ROBO2: variants seen among roughly 807,000 people sequenced by gnomAD.
The protein encoded by ROBO2 is roundabout guidance receptor 2, also known as roundabout homolog 2.
ROBO2 carries 53 observed loss-of-function variants against 160.8 expected under a neutral mutation model. That is an observed-to-expected ratio of 0.33 (90% CI 0.26 to 0.41). ROBO2 has a LOEUF of 0.41. Ranked by LOEUF, ROBO2 falls within the 10% of genes least tolerant of loss-of-function variation. The pLI is 1.00. For missense variants in ROBO2, 1,577 were observed against 1,722.4 expected (o/e 0.92, Z 1.49); for synonymous variants, 664 against 611.7 (o/e 1.09, Z -1.26).
At chr3:76,822,896 A>G (rs923535416) in intron 2 of ROBO2, among the ~76,000 whole-genome samples, 1 of 151,942 alleles carries the variant, frequency 6.6e-6, no homozygotes, top group African/African-American at 2.4e-5. Context: ...CCAAAGTGCA[A>G]CGGTATCATT....
intron 2 of ROBO2, among the ~76,000 whole-genome samples, chr3:76,329,656 G>C (rs997857952): frequency 6.6e-6 from 1 of 152,220 alleles, no homozygotes; most frequent in Non-Finnish European, 1.5e-5. Flanking sequence ...GGATACTTCT[G>C]CTTTGCGTTT....
At chr3:77,623,458 A>G (rs537058445) in intron 23 of ROBO2, among the ~76,000 whole-genome samples, 1 of 152,240 alleles carries the variant, frequency 6.6e-6, no homozygotes, top group Non-Finnish European at 1.5e-5. Flanking sequence ...ACTGATGGGA[A>G]CTGGTTTATG....
At chr3:76,803,384 A>C (rs2064380377) in intron 2 of ROBO2, among the ~76,000 whole-genome samples, 1 of 148,478 alleles carries the variant, frequency 6.7e-6, no homozygotes, top group Non-Finnish European at 1.5e-5. Flanking sequence ...AGGAGGATAC[A>C]GAAAAGGAGG....
upstream of ROBO2, among the ~76,000 whole-genome samples, chr3:77,039,181 GC>G: frequency 6.6e-6 from 1 of 152,308 alleles, no homozygotes; most frequent in East Asian, 1.9e-4. Context: ...AGAGAATTCT[GC>G]CCCCTCCTTT....
Position 76,613,520 on chromosome 3 carries a change from A to G in ROBO2, c.110-484494A>G, listed in dbSNP as rs564907341. ...CACACTCCTCCTCCTTTAGTTATGT[A>G]CATTATCAATATTCATTTAATTGTA... On this transcript the variant is annotated intron_variant, in intron 2 of 26. Transcript: ENST00000487694. 1.5e-3 allele frequency among the ~76,000 whole-genome samples: 229 copies of G among 152,118 alleles called. 2 individuals are homozygous for G. Among genetic ancestry groups the G allele is most frequent in the Non-Finnish European group, 2.5e-3 (167 of 67,966 alleles).
Position 76,997,767 on chromosome 3 carries a change from C to T in ROBO2, c.110-100247C>T, listed in dbSNP as rs148013758. On this transcript the variant is annotated intron_variant, in intron 2 of 26. Transcript: ENST00000487694. ...CATAAGTATTGACAACAAAACAAAA[C>T]GATTTTATTTTGCTTACGAAGCTGT... Among the ~76,000 whole-genome samples, 237 of 152,186 alleles carry T rather than the reference C, an allele frequency of 1.6e-3. 2 individuals are homozygous for T. The highest frequency in any genetic ancestry group is 0.01 in the Middle Eastern group (3 of 294).
rs1182792322 is a variant in ROBO2 at position 77,515,755 on chromosome 3, T to C, written c.807-7020T>C. On this transcript the variant is annotated intron_variant, in intron 5 of 25. Coordinates refer to ENST00000461745, the Ensembl canonical transcript of ROBO2. ...AAAAGCTGGGTAAAAATCTTTGTAATATAGTTGATGAAAATTGCGCCAGAA... is the reference window on the plus strand; with the variant it reads ...AAAAGCTGGGTAAAAATCTTTGTAACATAGTTGATGAAAATTGCGCCAGAA... Among the ~76,000 whole-genome samples, 3 of 151,672 alleles carry C rather than the reference T, an allele frequency of 2.0e-5. No individual in the cohort carries two copies. The Admixed American group carries it at 2.0e-4, about 10-fold the overall frequency.
chr3:77,591,210 A>C (rs1431497209), intron 17 of ROBO2, among the ~76,000 whole-genome samples: 1 of 152,116 alleles, frequency 6.6e-6, no homozygotes, highest in Non-Finnish European at 1.5e-5. Flanking sequence ...TTATACTCTG[A>C]TTATCTGGGC....
At chr3:77,423,308 G>T (rs929417785) in intron 2 of ROBO2, among the ~76,000 whole-genome samples, 1 of 152,060 alleles carries the variant, frequency 6.6e-6, no homozygotes, top group Admixed American at 6.6e-5. Context: ...GTTCAATTCA[G>T]TGACATTATT....
chr3:76,274,560 C>T lies in ROBO2; in HGVS notation c.109+336958C>T, dbSNP rs529726052. ...CTAGTTTCAAGAAATATAGCAGGGC[C>T]GGGCACGGTGGATCACACCTGTAAT... On this transcript the variant is annotated intron_variant, in intron 2 of 26. Transcript: ENST00000487694. Among the ~76,000 whole-genome samples, 130 of 152,044 alleles carry T rather than the reference C, an allele frequency of 8.6e-4. 1 individual carries two copies. Among genetic ancestry groups the T allele is most frequent in the Non-Finnish European group, 6.9e-4 (47 of 67,988 alleles).
chr3:76,257,915 C>T (rs758820218), intron 2 of ROBO2, among the ~76,000 whole-genome samples: 1 of 152,100 alleles, frequency 6.6e-6, no homozygotes, highest in Non-Finnish European at 1.5e-5. Flanking sequence ...TAAATTTATG[C>T]CTGTGCCATT....
At chr3:76,745,295 C>T (rs1453401764) in intron 2 of ROBO2, among the ~76,000 whole-genome samples, 2 of 152,040 alleles carry the variant, frequency 1.3e-5, no homozygotes, top group Non-Finnish European at 2.9e-5. Flanking sequence ...TCCTCTATGT[C>T]TACCCTGTTT....
chr3:77,574,513 C>G (rs1457145844), exon 14 of ROBO2: 1 of 1,613,248 alleles, frequency 6.2e-7, no homozygotes, highest in South Asian at 1.1e-5. Flanking sequence ...ATCGCCAACC[C>G]CAGTTTATCC....
At chr3:76,714,856 C>G (rs570688151) in intron 2 of ROBO2, among the ~76,000 whole-genome samples, 2 of 152,254 alleles carry the variant, frequency 1.3e-5, no homozygotes, top group South Asian at 4.1e-4. Context: ...AGTCTATTAA[C>G]TGTTCAAGAC....
intron 2 of ROBO2, among the ~76,000 whole-genome samples, chr3:76,533,265 A>G (rs2082321457): frequency 6.6e-6 from 1 of 152,244 alleles, no homozygotes; most frequent in Non-Finnish European, 1.5e-5. Flanking sequence ...GGCATTGCGA[A>G]TCCAAAAGGG....
At chr3:76,128,791 G>T (rs150873704) in intron 2 of ROBO2, among the ~76,000 whole-genome samples, 53 of 152,116 alleles carry the variant, frequency 3.5e-4, no homozygotes, top group South Asian at 1.7e-3. Flanking sequence ...TTTTAAAAAA[G>T]ATTTAATAAC....
At chr3:76,452,240 A>G (rs544627923) in intron 2 of ROBO2, among the ~76,000 whole-genome samples, 1 of 151,928 alleles carries the variant, frequency 6.6e-6, no homozygotes, top group Non-Finnish European at 1.5e-5. Flanking sequence ...GGTTACTTAC[A>G]TATGTATACA....
intron 2 of ROBO2, among the ~76,000 whole-genome samples, chr3:76,156,262 A>C (rs9841619): frequency 0.046 from 7,035 of 152,224 alleles, 383 homozygotes; most frequent in East Asian, 0.23. Flanking sequence ...GTAATAAGAA[A>C]GTAAGAGGAA....
intron 2 of ROBO2, among the ~76,000 whole-genome samples, chr3:75,977,057 T>TA (rs1325558240): frequency 4.0e-5 from 6 of 151,658 alleles, no homozygotes; most frequent in Non-Finnish European, 7.4e-5. Flanking sequence ...CACTCTTTCA[T>TA]ATAATATCAA....
Sources: allele counts gnomAD v4.1 joint callset (sites outside exome capture counted in the v4.1 genomes callset), GRCh38; gene constraint gnomAD v4.1.1; transcripts MANE v1.5; gene names NCBI Gene and HGNC (gene_info 2026-07-23, HGNC 2026-07-21).